SLC17A6: variants seen among roughly 807,000 people sequenced by gnomAD.
SLC17A6 encodes the protein solute carrier family 17 member 6.
In SLC17A6, 35 loss-of-function variants were observed where a neutral mutation model predicts 67.1. That is an observed-to-expected ratio of 0.52 (90% CI 0.40 to 0.69). SLC17A6 has a LOEUF of 0.69. Ranked by LOEUF, SLC17A6 falls within the 30% of genes least tolerant of loss-of-function variation. The pLI is 0.00. For synonymous variants in SLC17A6, 285 were observed against 252.3 expected (o/e 1.13, Z -1.23); for missense variants, 588 against 723.9 (o/e 0.81, Z 2.15).
At chr11:22,372,870 C>T (rs1244820951) in intron 8 of SLC17A6, among the ~76,000 whole-genome samples, 5 of 151,972 alleles carry the variant, frequency 3.3e-5, no homozygotes, top group African/African-American at 1.2e-4. Flanking sequence ...ATGATAAGTC[C>T]CCAAAAGCCA....
rs950866197 is a variant in SLC17A6 at position 22,378,666 on chromosome 11, A to C, written c.*926A>C. 1 of 152,462 alleles carries C rather than the reference A, an allele frequency of 6.6e-6. No homozygotes were observed. Among genetic ancestry groups the C allele is most frequent in the African/African-American group, 2.4e-5 (1 of 41,458 alleles). 9.4% of individuals were successfully genotyped at this position (152,462 alleles called of 1,614,324 possible). A position where few individuals can be genotyped will look rare whatever the true frequency, so the allele number is the denominator to read the frequency against. ...AACAAAGAAATAGAAAATGGTTTAGATATCTTTCTTCCTTCATAATTAAAT... is the reference window on the plus strand; with the variant it reads ...AACAAAGAAATAGAAAATGGTTTAGCTATCTTTCTTCCTTCATAATTAAAT... On this transcript the variant is annotated 3_prime_UTR_variant, in exon 12 of 12. Transcript: ENST00000263160.
intron 9 of SLC17A6, among the ~76,000 whole-genome samples, chr11:22,375,746 C>G (rs141716405): frequency 0.01 from 1,581 of 152,186 alleles, 19 homozygotes; most frequent in African/African-American, 0.035. Flanking sequence ...TCTCAAAGTT[C>G]TGGGATTACA....
intron 1 of SLC17A6, among the ~76,000 whole-genome samples, chr11:22,339,139 TATGTTATATATA>T (rs1344445922): frequency 0.038 from 262 of 6,948 alleles, 22 homozygotes; most frequent in East Asian, 0.087. Context: ...GTTATATATA[TATGTTATATATA>T]GTTATATATA....
In SLC17A6 at chr11:22,378,608, A is replaced by T. The variant is rs1452764770; in HGVS notation, c.*868A>T. ...CAAAGAATCTAATAAGAAATTTATT[A>T]TGGAGATATAGCCCTTAAAATGCAA... On this transcript the variant is annotated 3_prime_UTR_variant, in exon 12 of 12. Coordinates refer to ENST00000263160, the MANE Select transcript of SLC17A6 (RefSeq NM_020346.3). 1 of 152,540 alleles carries T rather than the reference A, an allele frequency of 6.6e-6. No individual in the cohort carries two copies. The highest frequency in any genetic ancestry group is 2.4e-5 in the African/African-American group (1 of 41,468). 9.4% of individuals were successfully genotyped at this position (152,540 alleles called of 1,614,324 possible). A position where few individuals can be genotyped will look rare whatever the true frequency, so the allele number is the denominator to read the frequency against.
rs190700065 is a variant in SLC17A6, at chr11:22,376,889, C to A, written c.1413+217C>A. The stretch of plus-strand genomic sequence containing the variant: ...ACCAATAACCAATATGTTTCTCAAC[C>A]CTTTTTAATAATTCTAATACCCCTG... On this transcript the variant is annotated intron_variant, in intron 11 of 11. Transcript: ENST00000263160. Among the ~76,000 whole-genome samples, 335 of 152,228 alleles carry A rather than the reference C, an allele frequency of 2.2e-3. 3 individuals are homozygous for A. Among genetic ancestry groups the A allele is most frequent in the African/African-American group, 7.4e-3 (308 of 41,538 alleles).
At position 22,344,797 on chromosome 11, in the gene SLC17A6, A is replaced by G. The variant is rs115141027; in HGVS notation, c.458+1432A>G. Among the ~76,000 whole-genome samples, 254 of 152,334 alleles carry G rather than the reference A, an allele frequency of 1.7e-3. 2 individuals are homozygous for G. The highest frequency in any genetic ancestry group is 6.0e-3 in the African/African-American group (249 of 41,564). On this transcript the variant is annotated intron_variant, in intron 3 of 11. Transcript: ENST00000263160. ...ATCAAACAAAACATTGATAGTAGGC[A>G]AAAATTAAAGACATTCTGTCAAATA...
At chr11:22,342,838 T>A (rs1855833125) in intron 2 of SLC17A6, 1 of 392,400 alleles carries the variant, frequency 2.5e-6, no homozygotes, top group South Asian at 1.9e-5. Context: ...TCTCCAGGGT[T>A]GGAAGTCACT....
chr11:22,377,941 G>A lies in SLC17A6; in HGVS notation c.*201G>A, dbSNP rs1856250285. 3 of 533,072 alleles carry A rather than the reference G, an allele frequency of 5.6e-6. No individual in the cohort carries two copies. In the East Asian group the frequency reaches 9.1e-5, roughly 16 times the overall value. The allele number at this position is 533,072 out of a possible 1,614,324, so 33.0% of individuals were successfully genotyped here. A position where few individuals can be genotyped will look rare whatever the true frequency, so the allele number is the denominator to read the frequency against. On this transcript the variant is annotated 3_prime_UTR_variant, in exon 12 of 12. Transcript: ENST00000263160. ...GTGAAGTTCCATCATTTCCATTCAAGTCATCCATTCTTGCATTTGTGACTT... is the reference window on the plus strand; with the variant it reads ...GTGAAGTTCCATCATTTCCATTCAAATCATCCATTCTTGCATTTGTGACTT...
intron 8 of SLC17A6, among the ~76,000 whole-genome samples, 171 bp from the exon 9 acceptor site, chr11:22,374,584 T>C (rs983363944): frequency 5.3e-5 from 8 of 152,208 alleles, no homozygotes; most frequent in African/African-American, 1.9e-4. Context: ...TTCTAATTTA[T>C]TCTGTGGAAG....
intron 3 of SLC17A6, among the ~76,000 whole-genome samples, chr11:22,352,193 G>A (rs1855948231): frequency 6.6e-6 from 1 of 152,136 alleles, no homozygotes; most frequent in African/African-American, 2.4e-5. Context: ...CAATGTGATG[G>A]CTGCTAGTTT....
At chr11:22,343,178 C>A in intron 2 of SLC17A6, 69 bp from the exon 3 acceptor site, 3 of 1,304,184 alleles carry the variant, frequency 2.3e-6, no homozygotes, top group Non-Finnish European at 3.3e-6. Context: ...GGCTTGTGAA[C>A]CACTGAAAGT....
chr11:22,376,805 A>G (rs1220814278), intron 11 of SLC17A6, 133 bp downstream of exon 11: 19 of 870,648 alleles, frequency 2.2e-5, no homozygotes, highest in African/African-American at 3.4e-5. Context: ...AGTGGGAAAT[A>G]TAAATGAGGC....
At position 22,377,999 on chromosome 11, in the gene SLC17A6, T is replaced by C. The variant is rs1856250762; in HGVS notation, c.*259T>C. 5.3e-5 allele frequency: 26 copies of C among 490,518 alleles called. No individual in the cohort carries two copies. The East Asian group carries it at 8.3e-4, about 16-fold the overall frequency. The allele number at this position is 490,518 out of a possible 1,614,324, so 30.4% of individuals were successfully genotyped here. A position where few individuals can be genotyped will look rare whatever the true frequency, so the allele number is the denominator to read the frequency against. ...GACTGGTCAAAATTGTAGAAACAAG[T>C]AGTTACCCATTGGATTCATATGAGC... On this transcript the variant is annotated 3_prime_UTR_variant, in exon 12 of 12. Transcript: ENST00000263160.
chr11:22,365,837 C>A, intron 7 of SLC17A6, 148 bp downstream of exon 7: 1 of 795,276 alleles, frequency 1.3e-6, no homozygotes, highest in Non-Finnish European at 1.9e-6. Context: ...TATTCTCTGA[C>A]TTAGGAATAA....
chr11:22,359,550 C>T (rs1564982932), intron 4 of SLC17A6, 23 bp downstream of exon 4: 24 of 1,473,950 alleles, frequency 1.6e-5, no homozygotes, highest in Non-Finnish European at 2.1e-5. Context: ...AGGGTGAAGC[C>T]TTTTTAAGAT....
chr11:22,369,086 G>A (rs1856144690), intron 7 of SLC17A6, among the ~76,000 whole-genome samples: 1 of 151,718 alleles, frequency 6.6e-6, no homozygotes, highest in Non-Finnish European at 1.5e-5. Context: ...ATTTAGTTAG[G>A]TCAAGGATCC....
chr11:22,359,052 A>G (rs972607676), intron 3 of SLC17A6, among the ~76,000 whole-genome samples: 4 of 152,190 alleles, frequency 2.6e-5, no homozygotes, highest in African/African-American at 9.6e-5. Flanking sequence ...TGGATGTGAA[A>G]AACAAGCTCT....
rs755221278 is a variant in SLC17A6 at position 22,376,570 on chromosome 11, C to T, written c.1311C>T (p.Ile437=). 7 of 1,613,834 alleles carry T rather than the reference C, an allele frequency of 4.3e-6. No homozygotes were observed. The highest frequency in any genetic ancestry group is 2.2e-5 in the South Asian group (2 of 91,072). ...GTTTCAATGTTAACCACTTGGATAT[C>T]GCTCCAAGATATGCCAGTATCTTAA... The part of the protein sequence containing the change: ...ISGFNVNHLD[I]APRYASILMG... Residue 437 remains isoleucine, a synonymous_variant, in exon 11 of 12, where the codon ATC becomes ATT. Transcript: ENST00000263160.
At chr11:22,364,666 A>G in intron 6 of SLC17A6, among the ~76,000 whole-genome samples, 1 of 152,168 alleles carries the variant, frequency 6.6e-6, no homozygotes, top group East Asian at 1.9e-4. Context: ...AAAGTGTTGT[A>G]GGGATCAGGA....
Sources: gnomAD v4.1 joint callset for allele counts (sites outside exome capture counted in the v4.1 genomes callset) on GRCh38, gnomAD v4.1.1 for gene constraint, MANE v1.5 for transcripts, NCBI Gene and HGNC (gene_info 2026-07-23, HGNC 2026-07-21) for gene names.